GABRB1: variants seen among roughly 807,000 people sequenced by gnomAD.
GABRB1 encodes gamma-aminobutyric acid receptor subunit beta-1.
In GABRB1, 17 loss-of-function variants were observed where a neutral mutation model predicts 51.6. The observed-to-expected ratio is 0.33, with a 90% CI of 0.23 to 0.49. The LOEUF (loss-of-function observed/expected upper bound fraction) is 0.49, where lower values mean the gene tolerates loss of function less well. Among genes scored for constraint, GABRB1 ranks in the 20% least tolerant of loss-of-function variants. The probability of loss-of-function intolerance (pLI) is 0.99; values close to 1 mark genes in which losing one functional copy is unlikely to be tolerated. For synonymous variants in GABRB1, 247 were observed against 218.9 expected (o/e 1.13, Z -1.14); for missense variants, 410 against 600.6 (o/e 0.68, Z 3.32).
At chr4:47,008,923 G>A (rs1724502297) in intron 1 of GABRB1, among the ~76,000 whole-genome samples, 1 of 122,858 alleles carries the variant, frequency 8.1e-6, no homozygotes, top group Admixed American at 9.9e-5. Context: ...GAGTGCAGTG[G>A]CGTGATCTCA....
intron 4 of GABRB1, among the ~76,000 whole-genome samples, chr4:47,266,430 T>C (rs1006413554): frequency 1.3e-5 from 2 of 152,122 alleles, no homozygotes; most frequent in Non-Finnish European, 2.9e-5. Context: ...TCCATATACA[T>C]TTTAGGATTG....
At chr4:47,205,870 A>G (rs1720098560) in intron 4 of GABRB1, among the ~76,000 whole-genome samples, 1 of 152,020 alleles carries the variant, frequency 6.6e-6, no homozygotes, top group African/African-American at 2.4e-5. Context: ...GAGTGGTTTT[A>G]CTATTTGTTC....
intron 3 of GABRB1, among the ~76,000 whole-genome samples, chr4:47,094,425 A>G (rs1366327716): frequency 1.3e-5 from 2 of 151,836 alleles, no homozygotes; most frequent in Non-Finnish European, 1.5e-5. Context: ...GGGTTTCACC[A>G]TGCTGGCCAG....
intron 5 of GABRB1, among the ~76,000 whole-genome samples, chr4:47,385,240 G>GTCAGACAA (rs1204316882): frequency 3.3e-5 from 5 of 152,210 alleles, no homozygotes; most frequent in Non-Finnish European, 1.5e-5. Flanking sequence ...AGTCAAGGTT[G>GTCAGACAA]TCTGAATTTT....
rs536962985 is a variant in GABRB1 at position 47,078,559 on chromosome 4, T to A, written c.240+46075T>A. 2.0e-3 allele frequency among the ~76,000 whole-genome samples: 304 copies of A among 152,290 alleles called. 4 individuals are homozygous for A. Among genetic ancestry groups the A allele is most frequent in the African/African-American group, 7.1e-3 (297 of 41,564 alleles). On this transcript the variant is annotated intron_variant, in intron 3 of 8. Coordinates refer to ENST00000295454, the MANE Select transcript of GABRB1 (RefSeq NM_000812.4). Reference sequence around the variant, plus strand: ...GCATATAAAATTTAGAGACCTGACTTTTATGTCAGCTTTGTCTTTTCCTTC... The same window carrying A: ...GCATATAAAATTTAGAGACCTGACTATTATGTCAGCTTTGTCTTTTCCTTC...
At chr4:47,233,636 A>G (rs975207234) in intron 4 of GABRB1, among the ~76,000 whole-genome samples, 3 of 152,154 alleles carry the variant, frequency 2.0e-5, no homozygotes, top group Non-Finnish European at 2.9e-5. Context: ...GTGTCAACTG[A>G]CCAAACTGTA....
At chr4:47,097,566 T>C (rs773595998) in intron 3 of GABRB1, among the ~76,000 whole-genome samples, 19 of 152,238 alleles carry the variant, frequency 1.2e-4, no homozygotes, top group Non-Finnish European at 2.6e-4. Flanking sequence ...TGGTTCATTA[T>C]CTTTCTCTCT....
intron 4 of GABRB1, among the ~76,000 whole-genome samples, chr4:47,282,301 C>A (rs1275451209): frequency 1.3e-5 from 2 of 152,176 alleles, no homozygotes; most frequent in Non-Finnish European, 2.9e-5. Context: ...TCTACCAATG[C>A]CTGAAACACA....
chr4:47,059,033 A>T (rs994050972), intron 3 of GABRB1, among the ~76,000 whole-genome samples: 1 of 152,216 alleles, frequency 6.6e-6, no homozygotes, highest in Non-Finnish European at 1.5e-5. Flanking sequence ...TTCAATGTCA[A>T]ATTTTGCATC....
rs140517085 is a variant in GABRB1 at position 47,157,489 on chromosome 4, C to T, written c.241-3760C>T. Among the ~76,000 whole-genome samples the T allele has an allele frequency of 5.6e-4, 85 of 151,950 alleles. 1 individual carries two copies. The highest frequency in any genetic ancestry group is 1.9e-3 in the African/African-American group (77 of 41,448). On this transcript the variant is annotated intron_variant, in intron 3 of 8. Coordinates refer to ENST00000295454, the MANE Select transcript of GABRB1 (RefSeq NM_000812.4). ...CACTGTTAACCTTTATATTAAGGGA[C>T]GGATAAAAAAATTGTTTAAAATATA...
chr4:47,097,169 C>T (rs958263481), intron 3 of GABRB1, among the ~76,000 whole-genome samples: 3 of 152,088 alleles, frequency 2.0e-5, no homozygotes, highest in Middle Eastern at 3.2e-3. Flanking sequence ...AGAGTAAAAC[C>T]GAAAATCTTC....
rs555726106 is a variant in GABRB1, at chr4:47,232,193, A to G, written c.461+70724A>G. On this transcript the variant is annotated intron_variant, in intron 4 of 8. Transcript: ENST00000295454. ...CCCAAAACCAGAGCCGCTTTTCCCT[A>G]TCCTTCTGGTTGATCCTCAAGGGTA... is the stretch of plus-strand genomic sequence containing the variant. Among the ~76,000 whole-genome samples the G allele has an allele frequency of 5.9e-5, 9 of 152,248 alleles. No homozygotes were observed. In the South Asian group the frequency reaches 8.3e-4, roughly 14 times the overall value.
Position 47,403,429 on chromosome 4 carries a change from T to G in GABRB1, c.656T>G (p.Val219Gly). ...PQFSIVDYKM[V>G]SKKVEFTTGA... Reference sequence around the variant, plus strand: ...TTTTCAATTGTTGACTACAAGATGGTGTCTAAGAAGGTGGAGTTCACAACA... The same window carrying G: ...TTTTCAATTGTTGACTACAAGATGGGGTCTAAGAAGGTGGAGTTCACAACA... The change falls in exon 6 of 9, where the codon GTG becomes GGG. Residue 219 changes from valine (V) to glycine (G), a missense_variant. By Grantham distance (109) the Val-to-Gly change is moderately radical (BLOSUM62 -3). Coordinates refer to ENST00000295454, the MANE Select transcript of GABRB1 (RefSeq NM_000812.4). 2 of 1,614,060 alleles carry G rather than the reference T, an allele frequency of 1.2e-6. No individual in the cohort carries two copies. Among genetic ancestry groups the G allele is most frequent in the Non-Finnish European group, 1.7e-6 (2 of 1,179,944 alleles).
intron 4 of GABRB1, among the ~76,000 whole-genome samples, chr4:47,313,440 T>G (rs1302156233): frequency 6.6e-6 from 1 of 152,166 alleles, no homozygotes; most frequent in Non-Finnish European, 1.5e-5. Flanking sequence ...GATGTGTTAA[T>G]TAATGGTAGA....
chr4:47,234,285 C>T (rs1721242874), intron 4 of GABRB1, among the ~76,000 whole-genome samples: 2 of 152,130 alleles, frequency 1.3e-5, no homozygotes, highest in South Asian at 4.2e-4. Flanking sequence ...GTCAGGAGTT[C>T]GAGACCAGTC....
intron 3 of GABRB1, among the ~76,000 whole-genome samples, chr4:47,108,964 T>C (rs559096382): frequency 7.2e-5 from 11 of 152,192 alleles, no homozygotes; most frequent in African/African-American, 2.6e-4. Context: ...CGAGGTGAAG[T>C]GAGTGAGAGA....
At chr4:47,327,325 TTAAAAGAAAAAA>T (rs1309479237) in intron 5 of GABRB1, among the ~76,000 whole-genome samples, 45 of 144,092 alleles carry the variant, frequency 3.1e-4, no homozygotes, top group Non-Finnish European at 5.0e-4. Flanking sequence ...ACCGTATCGC[TTAAAAGAAAAAA>T]AAAAAAGAGT....
intron 4 of GABRB1, among the ~76,000 whole-genome samples, chr4:47,263,226 T>TAAATAAA (rs1722519185): frequency 2.1e-5 from 3 of 146,028 alleles, no homozygotes; most frequent in Admixed American, 6.7e-5. Context: ...AAATAAATAA[T>TAAATAAA]GGAAAAGAGC....
intron 5 of GABRB1, among the ~76,000 whole-genome samples, chr4:47,351,798 C>G (rs1208691992): frequency 6.6e-6 from 1 of 151,782 alleles, no homozygotes. Context: ...TTTTCTTAAT[C>G]CACTCTATCA....
Sources: gnomAD v4.1 joint callset for allele counts (sites outside exome capture counted in the v4.1 genomes callset) on GRCh38, gnomAD v4.1.1 for gene constraint, MANE v1.5 for transcripts, NCBI Gene and HGNC (gene_info 2026-07-23, HGNC 2026-07-21) for gene names.